DNM3: variants seen among roughly 807,000 people sequenced by gnomAD.
The protein encoded by DNM3 is dynamin-3.
DNM3 carries 47 observed loss-of-function variants against 101.6 expected under a neutral mutation model. The ratio of observed to expected loss-of-function variants is 0.46; its 90% CI spans 0.37 to 0.59. The LOEUF (loss-of-function observed/expected upper bound fraction) is 0.59, where lower values mean the gene tolerates loss of function less well. Among genes scored for constraint, DNM3 ranks in the 20% least tolerant of loss-of-function variants. The probability of loss-of-function intolerance (pLI) is 0.00; values close to 1 mark genes in which losing one functional copy is unlikely to be tolerated. For missense variants in DNM3, 849 were observed against 1,085.7 expected (o/e 0.78, Z 3.06); for synonymous variants, 385 against 387.9 (o/e 0.99, Z 0.09).
At chr1:172,275,675 G>A (rs1278131773) in intron 15 of DNM3, among the ~76,000 whole-genome samples, 3 of 151,990 alleles carry the variant, frequency 2.0e-5, no homozygotes, top group East Asian at 3.9e-4. Context: ...CACACATAGT[G>A]TACTCAAGCC....
intron 4 of DNM3, among the ~76,000 whole-genome samples, chr1:172,015,917 T>C (rs990469113): frequency 6.6e-6 from 1 of 152,066 alleles, no homozygotes; most frequent in Admixed American, 6.6e-5. Flanking sequence ...GGCTCATGCC[T>C]GTAATCCCAG....
intron 17 of DNM3, chr1:172,378,216 T>C (rs1253880859): frequency 6.6e-6 from 1 of 152,176 alleles, no homozygotes; most frequent in South Asian, 2.1e-4. Context: ...GCCAAGCCAA[T>C]AGGTCAGCCC....
intron 15 of DNM3, among the ~76,000 whole-genome samples, chr1:172,295,886 AAAGATAGGTCAGGCAAATGCAAAGAAT>A (rs2064141204): frequency 6.6e-6 from 1 of 152,172 alleles, no homozygotes; most frequent in Non-Finnish European, 1.5e-5. Flanking sequence ...AAGAAGAAAC[AAAGATAGGTCAGGCAAATGCAAAGAAT>A]AAGTGAAAAG....
chr1:172,324,287 C>A (rs570261827), intron 17 of DNM3, among the ~76,000 whole-genome samples: 1 of 152,032 alleles, frequency 6.6e-6, no homozygotes, highest in South Asian at 2.1e-4. Context: ...AAGAGTTGGC[C>A]GGCATATTCA....
intron 20 of DNM3, among the ~76,000 whole-genome samples, chr1:172,404,198 T>C (rs2070716835): frequency 6.6e-6 from 1 of 152,112 alleles, no homozygotes; most frequent in African/African-American, 2.4e-5. Context: ...CAAGATATCA[T>C]AGTTACTTTG....
intron 14 of DNM3, among the ~76,000 whole-genome samples, chr1:172,215,523 A>T (rs983685612): frequency 1.3e-5 from 2 of 152,090 alleles, no homozygotes; most frequent in African/African-American, 4.8e-5. Context: ...ATTAAGGAGC[A>T]ATCCAAAGGT....
At chr1:172,047,976 A>G (rs1378177916) in intron 9 of DNM3, among the ~76,000 whole-genome samples, 1 of 152,142 alleles carries the variant, frequency 6.6e-6, no homozygotes, top group Non-Finnish European at 1.5e-5. Context: ...TTTTTTATGA[A>G]TCACATATAC....
intron 4 of DNM3, among the ~76,000 whole-genome samples, chr1:172,025,649 A>G (rs1284140961): frequency 6.6e-6 from 1 of 152,162 alleles, no homozygotes; most frequent in South Asian, 2.1e-4. Context: ...CGCTGGTGAT[A>G]CCCAGGCAAA....
intron 18 of DNM3, chr1:172,380,748 T>C (rs2068850387): frequency 6.6e-6 from 1 of 152,086 alleles, no homozygotes; most frequent in African/African-American, 2.4e-5. Context: ...ATTACCTTCT[T>C]CATTTACTTA....
intron 13 of DNM3, among the ~76,000 whole-genome samples, chr1:172,128,105 C>G (rs183729289): frequency 6.6e-6 from 1 of 152,252 alleles, no homozygotes; most frequent in African/African-American, 2.4e-5. Flanking sequence ...TCTGACATTC[C>G]TTTACAGACT....
At chr1:172,141,669 A>G (rs569553930) in intron 14 of DNM3, among the ~76,000 whole-genome samples, 40 of 152,196 alleles carry the variant, frequency 2.6e-4, no homozygotes, top group African/African-American at 8.4e-4. Flanking sequence ...AGTGAAATAC[A>G]TGGGTGGTCT....
intron 1 of DNM3, among the ~76,000 whole-genome samples, chr1:171,885,479 A>G (rs1205605103): frequency 6.6e-6 from 1 of 152,188 alleles, no homozygotes; most frequent in Non-Finnish European, 1.5e-5. Context: ...ATATTCTCAG[A>G]GTCAAGGCCT....
chr1:172,038,168 AC>A, intron 6 of DNM3, 150 bp from the exon 7 acceptor site: 1 of 999,752 alleles, frequency 1.0e-6, no homozygotes, highest in Non-Finnish European at 1.5e-6. Context: ...CTCCCTATCT[AC>A]ATAATAGTCA....
intron 17 of DNM3, among the ~76,000 whole-genome samples, chr1:172,352,607 GT>G (rs1419266276): frequency 5.9e-5 from 9 of 152,152 alleles, no homozygotes; most frequent in Non-Finnish European, 1.2e-4. Context: ...CAACAAGGGT[GT>G]GTCTTTCAAG....
chr1:172,274,239 T>A (rs2063192067), intron 15 of DNM3, among the ~76,000 whole-genome samples: 1 of 152,044 alleles, frequency 6.6e-6, no homozygotes, highest in African/African-American at 2.4e-5. Flanking sequence ...TTACTCCCTT[T>A]AACTACCATT....
chr1:172,130,064 T>C (rs540644427), intron 13 of DNM3, among the ~76,000 whole-genome samples: 5 of 152,256 alleles, frequency 3.3e-5, no homozygotes, highest in Non-Finnish European at 5.9e-5. Context: ...ATTCCATAAT[T>C]TTCTCTGGGA....
chr1:172,186,445 G>A (rs1207295728), intron 14 of DNM3, among the ~76,000 whole-genome samples: 1 of 151,700 alleles, frequency 6.6e-6, no homozygotes, highest in Non-Finnish European at 1.5e-5. Flanking sequence ...CCTTAAGGTA[G>A]TACCAATCGT....
chr1:171,927,526 G>A (rs1314456729), intron 2 of DNM3, among the ~76,000 whole-genome samples: 2 of 152,138 alleles, frequency 1.3e-5, no homozygotes, highest in African/African-American at 2.4e-5. Context: ...GCGTTAGTTT[G>A]CCAAGGGCAA....
At chr1:172,239,625 T>G (rs1207210588) in intron 14 of DNM3, among the ~76,000 whole-genome samples, 1 of 151,998 alleles carries the variant, frequency 6.6e-6, no homozygotes, top group African/African-American at 2.4e-5. Context: ...GGTCTTTGTC[T>G]CCAGAAGCTG....
Sources: gnomAD v4.1 joint callset for allele counts (sites outside exome capture counted in the v4.1 genomes callset) on GRCh38, gnomAD v4.1.1 for gene constraint, MANE v1.5 for transcripts, NCBI Gene and HGNC (gene_info 2026-07-23, HGNC 2026-07-21) for gene names.